The following DISC1 variants were observed in gnomAD, a reference collection of about 807,000 sequenced individuals.
DISC1 encodes disrupted in schizophrenia 1 protein.
DISC1 carries 57 observed loss-of-function variants against 84.5 expected under a neutral mutation model. The ratio of observed to expected loss-of-function variants is 0.67; its 90% CI spans 0.55 to 0.84. DISC1 has a LOEUF of 0.84. Ranked by LOEUF, DISC1 falls within the 40% of genes least tolerant of loss-of-function variation. The pLI is 0.00. For synonymous variants in DISC1, 411 were observed against 415.2 expected (o/e 0.99, Z 0.12); for missense variants, 1,000 against 1,057.8 (o/e 0.95, Z 0.76).
At chr1:231,771,198 A>C in intron 6 of DISC1, 128 bp downstream of exon 6, 2 of 1,454,124 alleles carry the variant, frequency 1.4e-6, no homozygotes, top group Non-Finnish European at 1.8e-6. Context: ...TGGAAGCACC[A>C]TTGGTGTTTT....
At chr1:231,703,501 A>G (rs16854809) in intron 3 of DISC1, among the ~76,000 whole-genome samples, 45,754 of 152,028 alleles carry the variant, frequency 0.3, 7,204 homozygotes, top group East Asian at 0.37. Context: ...ATTACCATGA[A>G]TTGAGTCCTG....
intron 1 of DISC1, among the ~76,000 whole-genome samples, chr1:231,661,213 ATG>A (rs1431217285): frequency 6.7e-6 from 1 of 150,112 alleles, no homozygotes; most frequent in South Asian, 2.1e-4. Flanking sequence ...TCTGATGATT[ATG>A]TGTCTGGGGG....
At chr1:231,811,986 G>A (rs960779063) in intron 8 of DISC1, among the ~76,000 whole-genome samples, 27 of 152,144 alleles carry the variant, frequency 1.8e-4, no homozygotes, top group African/African-American at 6.5e-4. Context: ...TCTAAAATTG[G>A]ATTCTCAAAT....
rs367543098 is a variant in DISC1 at position 232,009,037 on chromosome 1, T to A, written c.2295T>A (p.Gly765=). 1.2e-4 allele frequency: 198 copies of A among 1,613,646 alleles called. No individual in the cohort carries two copies. The highest frequency in any genetic ancestry group is 1.6e-4 in the Middle Eastern group (1 of 6,082). The change falls in exon 11 of 13, where the codon GGT becomes GGA. Residue 765 remains glycine (G), a synonymous_variant. Coordinates refer to ENST00000439617, the MANE Select transcript of DISC1 (RefSeq NM_018662.3). The surrounding 1 kb of genome is among the most constrained non-coding windows in gnomAD (Gnocchi z 4.6). ...HLIPSLHCAG[G]EQKEESYILS... Reference sequence around the variant, plus strand: ...TCCCCTCTCTGCACTGTGCTGGAGGTGAACAGAAAGAGGTCTGTCCTTTTC... The same window carrying A: ...TCCCCTCTCTGCACTGTGCTGGAGGAGAACAGAAAGAGGTCTGTCCTTTTC...
chr1:231,667,314 G>A (rs570439804), intron 1 of DISC1, among the ~76,000 whole-genome samples: 78 of 152,332 alleles, frequency 5.1e-4, no homozygotes, highest in African/African-American at 1.8e-3. Flanking sequence ...CTTCATTGGA[G>A]TTTACTTCTT....
Position 231,646,905 on chromosome 1 carries a change from TTG to T in DISC1, c.67+19973_67+19974del, listed in dbSNP as rs2060184310. 4.6e-5 allele frequency among the ~76,000 whole-genome samples: 7 copies of T among 152,178 alleles called. No homozygotes were observed. The South Asian group carries it at 1.4e-3, about 32-fold the overall frequency. On this transcript the variant is annotated intron_variant, in intron 1 of 12. Transcript: ENST00000439617. ...ATCCTTTGCCCACTTTTTGATGGGC[TTG>T]TTTATTTGTTTTTTCTTGTACATTT...
At chr1:231,958,399 C>A (rs1416939733) in intron 9 of DISC1, among the ~76,000 whole-genome samples, 2 of 152,192 alleles carry the variant, frequency 1.3e-5, no homozygotes, top group African/African-American at 4.8e-5. Flanking sequence ...TTCCACAATC[C>A]TCCTCTACCC....
chr1:231,795,188 G>C, intron 6 of DISC1, 54 bp from the exon 7 acceptor site: 1 of 1,520,912 alleles, frequency 6.6e-7, no homozygotes, highest in South Asian at 1.1e-5. Context: ...TAACTGTAGT[G>C]GTATTGAATT....
intron 1 of DISC1, among the ~76,000 whole-genome samples, chr1:231,681,475 G>T (rs900854227): frequency 6.6e-6 from 1 of 152,042 alleles, no homozygotes; most frequent in Non-Finnish European, 1.5e-5. Context: ...AAAAAAGCTT[G>T]TGGTCAGAGC....
intron 9 of DISC1, among the ~76,000 whole-genome samples, chr1:231,819,526 A>G (rs1048255447): frequency 6.6e-6 from 1 of 152,186 alleles, no homozygotes; most frequent in East Asian, 1.9e-4. Context: ...CTTCTTTGTA[A>G]TGAATACCCT....
intron 9 of DISC1, among the ~76,000 whole-genome samples, chr1:231,948,566 G>A (rs945001822): frequency 1.2e-4 from 18 of 151,926 alleles, no homozygotes; most frequent in Non-Finnish European, 2.2e-4. Context: ...TAACAAAACT[G>A]CATGTTCTGC....
intron 9 of DISC1, among the ~76,000 whole-genome samples, chr1:231,879,542 G>A (rs1445512286): frequency 1.3e-5 from 2 of 151,826 alleles, no homozygotes; most frequent in East Asian, 1.9e-4. Context: ...GGAGTGCCTG[G>A]AAGGACCTGT....
At chr1:231,811,548 T>C (rs934576354) in intron 8 of DISC1, among the ~76,000 whole-genome samples, 1 of 152,204 alleles carries the variant, frequency 6.6e-6, no homozygotes, top group Non-Finnish European at 1.5e-5. Flanking sequence ...TAAAGAAGTA[T>C]AGTTCAAATG....
rs183913969 is a variant in DISC1 at position 231,700,490 on chromosome 1, A to G, written c.1048-1465A>G. On this transcript the variant is annotated intron_variant, in intron 2 of 12. Coordinates refer to ENST00000439617, the MANE Select transcript of DISC1 (RefSeq NM_018662.3). ...ATATAATACATATAACAAACAAAAT[A>G]TGTGTTAATCAACTGTTTATGTTTT... is the stretch of plus-strand genomic sequence containing the variant. 2.7e-3 allele frequency among the ~76,000 whole-genome samples: 408 copies of G among 152,360 alleles called. 1 individual carries two copies. The highest frequency in any genetic ancestry group is 9.1e-3 in the African/African-American group (379 of 41,586).
At chr1:231,699,218 A>G (rs1165890111) in intron 2 of DISC1, among the ~76,000 whole-genome samples, 1 of 152,198 alleles carries the variant, frequency 6.6e-6, no homozygotes, top group Non-Finnish European at 1.5e-5. Flanking sequence ...TCAGCAGAAC[A>G]AGGAGAGAGG....
intron 9 of DISC1, among the ~76,000 whole-genome samples, chr1:231,892,949 G>A (rs974209507): frequency 3.9e-5 from 6 of 152,194 alleles, no homozygotes; most frequent in African/African-American, 1.2e-4. Flanking sequence ...ATCACCTGTG[G>A]TCAGGAGTTC....
At chr1:231,693,092 CAGAG>C (rs1276318358) in intron 1 of DISC1, among the ~76,000 whole-genome samples, 1 of 152,186 alleles carries the variant, frequency 6.6e-6, no homozygotes, top group African/African-American at 2.4e-5. Context: ...AACTGAGGCA[CAGAG>C]AGGTTAAGTA....
intron 9 of DISC1, among the ~76,000 whole-genome samples, chr1:231,861,440 T>C (rs1310987511): frequency 6.8e-6 from 1 of 146,460 alleles, no homozygotes; most frequent in Non-Finnish European, 1.5e-5. Flanking sequence ...ACTCTGTCAT[T>C]GATTTTGACA....
At chr1:231,684,455 T>C (rs2064016258) in intron 1 of DISC1, among the ~76,000 whole-genome samples, 1 of 152,180 alleles carries the variant, frequency 6.6e-6, no homozygotes. Flanking sequence ...AAATGGAACA[T>C]TACCCTTGAA....
Sources: gnomAD v4.1 joint callset for allele counts (sites outside exome capture counted in the v4.1 genomes callset) on GRCh38, gnomAD v4.1.1 for gene constraint, Gnocchi (gnomAD v3.1) non-coding constraint, MANE v1.5 for transcripts, NCBI Gene and HGNC (gene_info 2026-07-23, HGNC 2026-07-21) for gene names.